Variants in SORCS1 observed in about 807,000 individuals in gnomAD.
The protein encoded by SORCS1 is VPS10 domain-containing receptor SorCS1.
SORCS1 carries 60 observed loss-of-function variants against 146.1 expected under a neutral mutation model. That is an observed-to-expected ratio of 0.41 (90% CI 0.33 to 0.51). SORCS1 has a LOEUF of 0.51. SORCS1 is among the 20% of genes least tolerant of loss of function. The pLI is 0.21. For missense variants in SORCS1, 1,352 were observed against 1,487.6 expected (o/e 0.91, Z 1.50); for synonymous variants, 637 against 584.0 (o/e 1.09, Z -1.31).
At chr10:106,672,811 C>T in intron 15 of SORCS1, 57 bp downstream of exon 15, 2 of 1,458,194 alleles carry the variant, frequency 1.4e-6, no homozygotes, top group Non-Finnish European at 1.9e-6. Flanking sequence ...ACTAGCTTTC[C>T]CCCAACACCA....
chr10:106,886,252 G>C (rs1314659165), intron 2 of SORCS1, among the ~76,000 whole-genome samples: 1 of 152,032 alleles, frequency 6.6e-6, no homozygotes, highest in African/African-American at 2.4e-5. Context: ...ACAAGAGTGA[G>C]ACTCTGTTTC....
At chr10:106,729,890 A>G (rs1401301716) in intron 6 of SORCS1, among the ~76,000 whole-genome samples, 160 bp downstream of exon 6, 2 of 152,150 alleles carry the variant, frequency 1.3e-5, no homozygotes, top group Non-Finnish European at 2.9e-5. Flanking sequence ...ACTAGCTTAG[A>G]GTCAAAAGAA....
At chr10:106,625,022 T>C (rs937919961) in intron 19 of SORCS1, among the ~76,000 whole-genome samples, 1 of 152,220 alleles carries the variant, frequency 6.6e-6, no homozygotes, top group African/African-American at 2.4e-5. Context: ...GACAGGTGCC[T>C]GCAATGCACA....
chr10:106,889,536 G>T (rs890693849), intron 2 of SORCS1, among the ~76,000 whole-genome samples: 1 of 151,974 alleles, frequency 6.6e-6, no homozygotes, highest in African/African-American at 2.4e-5. Flanking sequence ...GGCCGAGGTG[G>T]GCAGATCACA....
chr10:106,880,491 AG>A lies in SORCS1; in HGVS notation c.627-50819del, dbSNP rs144305970. 1.8e-3 allele frequency among the ~76,000 whole-genome samples: 271 copies of A among 152,290 alleles called. 2 individuals carry two copies. Among genetic ancestry groups the A allele is most frequent in the African/African-American group, 5.6e-3 (232 of 41,566 alleles). ...GTCTGGCATTTATGAAGTGGGGAGA[AG>A]GATACAGTCTGTTAAAGATTCAGAT... is the stretch of plus-strand genomic sequence containing the variant. On this transcript the variant is annotated intron_variant, in intron 2 of 25. Coordinates refer to ENST00000263054, the MANE Select transcript of SORCS1 (RefSeq NM_052918.5).
chr10:107,015,351 C>T (rs1957855573), intron 1 of SORCS1, among the ~76,000 whole-genome samples: 1 of 152,154 alleles, frequency 6.6e-6, no homozygotes, highest in Non-Finnish European at 1.5e-5. Context: ...CACACACACA[C>T]ACAAATAGAG....
chr10:106,693,816 A>G (rs1373016490), intron 9 of SORCS1, among the ~76,000 whole-genome samples: 10 of 152,268 alleles, frequency 6.6e-5, no homozygotes, highest in African/African-American at 2.4e-4. Flanking sequence ...AGGAACTTAC[A>G]TATTTGTGTA....
At chr10:106,652,318 C>A in intron 18 of SORCS1, 64 bp downstream of exon 18, 2 of 1,441,078 alleles carry the variant, frequency 1.4e-6, no homozygotes, top group Non-Finnish European at 1.8e-6. Flanking sequence ...GGAAACAAAA[C>A]CATGGTTTAT....
At position 106,739,211 on chromosome 10, in the gene SORCS1, C is replaced by T. The variant is rs114708169; in HGVS notation, c.960-9097G>A. Among the ~76,000 whole-genome samples the T allele has an allele frequency of 1.8e-3, 279 of 152,302 alleles. 2 individuals carry two copies. The highest frequency in any genetic ancestry group is 6.4e-3 in the African/African-American group (267 of 41,570). On this transcript the variant is annotated intron_variant, in intron 5 of 25. Coordinates refer to ENST00000263054, the MANE Select transcript of SORCS1 (RefSeq NM_052918.5). ...GAAAACTGTCATTGTCTTGGCTGGG[C>T]ATGGTGGCTCATGCCTGTAATCCTA...
At chr10:106,710,434 A>AAC (rs1479937455) in intron 6 of SORCS1, among the ~76,000 whole-genome samples, 1 of 149,858 alleles carries the variant, frequency 6.7e-6, no homozygotes. Flanking sequence ...GGTGACAGGA[A>AAC]AAAAAAAAAA....
chr10:107,087,371 A>G (rs935792231), intron 1 of SORCS1, among the ~76,000 whole-genome samples: 3 of 152,140 alleles, frequency 2.0e-5, no homozygotes, highest in Non-Finnish European at 4.4e-5. Context: ...CCATATGTCT[A>G]GTGTTCCTGG....
chr10:106,785,047 A>C (rs1384281563), intron 3 of SORCS1, among the ~76,000 whole-genome samples: 1 of 152,200 alleles, frequency 6.6e-6, no homozygotes, highest in African/African-American at 2.4e-5. Flanking sequence ...CATCCTAATG[A>C]AGGAGTTCAG....
chr10:106,723,278 C>T (rs924035905), intron 6 of SORCS1, among the ~76,000 whole-genome samples: 3 of 152,076 alleles, frequency 2.0e-5, no homozygotes, highest in East Asian at 1.9e-4. Context: ...GTTTGGTCAA[C>T]GTTTTCTCTT....
At chr10:106,633,692 A>G (rs562152553) in intron 18 of SORCS1, among the ~76,000 whole-genome samples, 1 of 152,170 alleles carries the variant, frequency 6.6e-6, no homozygotes, top group South Asian at 2.1e-4. Flanking sequence ...CAAACAAAAA[A>G]TCTCCAGCAG....
At chr10:106,839,295 C>T (rs1309117627) in intron 2 of SORCS1, among the ~76,000 whole-genome samples, 1 of 152,146 alleles carries the variant, frequency 6.6e-6, no homozygotes, top group African/African-American at 2.4e-5. Flanking sequence ...CTCCACTGCA[C>T]ACAAGAATAA....
intron 7 of SORCS1, among the ~76,000 whole-genome samples, chr10:106,708,380 C>T (rs1192650091): frequency 2.6e-5 from 4 of 151,824 alleles, no homozygotes; most frequent in East Asian, 1.9e-4. Flanking sequence ...AATTTCTTGT[C>T]GAAATAAATG....
At chr10:106,761,809 T>A (rs1859131239) in intron 4 of SORCS1, 148 bp from the exon 5 acceptor site, 1 of 646,418 alleles carries the variant, frequency 1.5e-6, no homozygotes, top group Non-Finnish European at 2.7e-6. Context: ...ATGTGTACCA[T>A]CTCTATTCCT....
intron 24 of SORCS1, among the ~76,000 whole-genome samples, chr10:106,588,896 TTCCTATTCCTGGC>T: frequency 7.0e-6 from 1 of 143,676 alleles, no homozygotes; most frequent in East Asian, 2.0e-4. Flanking sequence ...AAAAAGAAGA[TTCCTATTCCTGGC>T]TCCTTGGGAT....
intron 1 of SORCS1, among the ~76,000 whole-genome samples, chr10:107,064,875 G>T (rs1205461185): frequency 6.6e-6 from 1 of 152,162 alleles, no homozygotes; most frequent in Admixed American, 6.5e-5. Flanking sequence ...TAGTCACTGT[G>T]ATTTTTATTT....
Sources: gnomAD v4.1 joint callset for allele counts (sites outside exome capture counted in the v4.1 genomes callset) on GRCh38, gnomAD v4.1.1 for gene constraint, MANE v1.5 for transcripts, NCBI Gene and HGNC (gene_info 2026-07-23, HGNC 2026-07-21) for gene names.